The following NMUR2 variants were observed in gnomAD, a reference collection of about 807,000 sequenced individuals.
NMUR2 encodes neuromedin U receptor 2.
A neutral mutation model predicts 25.1 loss-of-function variants in NMUR2; 24 were observed. The observed-to-expected ratio is 0.96, with a 90% confidence interval of 0.69 to 1.34. The LOEUF is 1.34. Among genes scored for constraint, NMUR2 ranks in the 40% most tolerant of loss-of-function variants. The probability of loss-of-function intolerance (pLI) is 0.00; values close to 1 mark genes in which losing one functional copy is unlikely to be tolerated. For synonymous variants in NMUR2, 218 were observed against 208.1 expected, an observed-to-expected ratio of 1.05 and a Z score of -0.41; for missense variants, 533 against 512.8, an observed-to-expected ratio of 1.04 and a Z score of -0.38.
Position 152,392,140 on chromosome 5 carries a change from T to A in NMUR2, c.*51A>T. On this transcript the variant is annotated 3_prime_UTR_variant, in exon 4 of 4. Coordinates refer to ENST00000255262, the MANE Select transcript of NMUR2 (RefSeq NM_020167.5). ...ATATGAGAAGGCATACATTATGGGA[T>A]GTTCCTCTCTGAAGTTTTGAGGCAT... 1.4e-6 allele frequency: 2 copies of A among 1,435,582 alleles called. No individual in the cohort carries two copies. The highest frequency in any genetic ancestry group is 1.9e-6 in the Non-Finnish European group (2 of 1,038,318). The allele number at this position is 1,435,582 out of a possible 1,614,324, so 88.9% of individuals were successfully genotyped here.
intron 1 of NMUR2, among the ~76,000 whole-genome samples, chr5:152,400,810 G>A (rs114353127): frequency 0.012 from 1,847 of 152,206 alleles, 26 homozygotes; most frequent in African/African-American, 0.04. Context: ...GTGTTTAACA[G>A]TTCTCAATGG....
At chr5:152,396,576 G>A (rs1753154696) in intron 2 of NMUR2, among the ~76,000 whole-genome samples, 1 of 152,118 alleles carries the variant, frequency 6.6e-6, no homozygotes. Flanking sequence ...TCCCTAATCT[G>A]TTCACTACTG....
In NMUR2 at chr5:152,397,056, G is replaced by C. The variant is rs371457418; in HGVS notation, c.811+1004C>G. Among the ~76,000 whole-genome samples, 63 of 127,584 alleles carry C rather than the reference G, an allele frequency of 4.9e-4. 1 individual carries two copies. In the South Asian group the frequency reaches 0.017, roughly 33 times the overall value. The allele number at this position is 127,584 out of a possible 152,430, so 83.7% of individuals were successfully genotyped here. A position where few individuals can be genotyped will look rare whatever the true frequency, so the allele number is the denominator to read the frequency against. On this transcript the variant is annotated intron_variant, in intron 2 of 3. Transcript: ENST00000255262. ...TGTGAGAGTAGATTATGACCAAGGA[G>C]AAAAGGGGAGGGATAATGAAGAAAC... is the stretch of plus-strand genomic sequence containing the variant.
At chr5:152,400,546 C>T (rs897024905) in intron 1 of NMUR2, among the ~76,000 whole-genome samples, 3 of 152,134 alleles carry the variant, frequency 2.0e-5, no homozygotes, top group Admixed American at 6.5e-5. Context: ...TGTTACCACT[C>T]GCTCACAAAG....
rs1753340493 is a variant in NMUR2, at chr5:152,405,227, C to T, written c.-114G>A. The T allele has an allele frequency of 1.6e-6, 2 of 1,287,240 alleles. No individual in the cohort carries two copies. The highest frequency in any genetic ancestry group is 1.5e-5 in the South Asian group (1 of 66,450). 79.7% of individuals were successfully genotyped at this position (1,287,240 alleles called of 1,614,324 possible). A position where few individuals can be genotyped will look rare whatever the true frequency, so the allele number is the denominator to read the frequency against. On this transcript the variant is annotated 5_prime_UTR_variant, in exon 1 of 4. Transcript: ENST00000255262. ...AAAAAGAGAAAGCAGTCACGAAAGT[C>T]ACAGGCTTCGTAAGGAAGGCTGGGA...
intron 2 of NMUR2, among the ~76,000 whole-genome samples, chr5:152,396,226 T>C (rs1449523970): frequency 9.4e-6 from 1 of 105,886 alleles, no homozygotes; most frequent in Non-Finnish European, 2.3e-5. Flanking sequence ...ACACACACAC[T>C]TTTTTTTTTT....
chr5:152,397,016 T>G (rs1580887847), intron 2 of NMUR2, among the ~76,000 whole-genome samples: 1 of 145,278 alleles, frequency 6.9e-6, no homozygotes, highest in South Asian at 2.2e-4. Flanking sequence ...CTTCATGTTT[T>G]TTTTTTTTTT....
At chr5:152,399,311 C>G (rs1332351413) in intron 1 of NMUR2, among the ~76,000 whole-genome samples, 1 of 152,036 alleles carries the variant, frequency 6.6e-6, no homozygotes, top group African/African-American at 2.4e-5. Flanking sequence ...TACTCCTTCC[C>G]CATTCTTAGT....
At chr5:152,401,051 C>T (rs1379791946) in intron 1 of NMUR2, among the ~76,000 whole-genome samples, 1 of 152,060 alleles carries the variant, frequency 6.6e-6, no homozygotes, top group Admixed American at 6.5e-5. Flanking sequence ...TACATTGTTC[C>T]AACAGAATTT....
chr5:152,397,154 G>T (rs1287286130), intron 2 of NMUR2, among the ~76,000 whole-genome samples: 1 of 151,632 alleles, frequency 6.6e-6, no homozygotes, highest in African/African-American at 2.4e-5. Flanking sequence ...TCTTAGAATC[G>T]AGAAGACCCA....
At chr5:152,392,619 G>T (rs1403406570) in intron 3 of NMUR2, 118 bp from the exon 4 acceptor site, 2 of 731,592 alleles carry the variant, frequency 2.7e-6, no homozygotes, top group East Asian at 5.1e-5. Context: ...TTTTATAAGT[G>T]ATAATACATA....
chr5:152,402,034 T>C (rs565719430), intron 1 of NMUR2, among the ~76,000 whole-genome samples: 24 of 152,318 alleles, frequency 1.6e-4, no homozygotes, highest in Admixed American at 5.9e-4. Flanking sequence ...TAATTTGGCC[T>C]CATTCATTCA....
At position 152,392,151 on chromosome 5, in the gene NMUR2, G is replaced by T; in HGVS notation, c.*40C>A. The T allele has an allele frequency of 6.6e-7, 1 of 1,523,296 alleles. No homozygotes were observed. Among genetic ancestry groups the T allele is most frequent in the Non-Finnish European group, 9.0e-7 (1 of 1,114,750 alleles). The allele number at this position is 1,523,296 out of a possible 1,614,324, so 94.4% of individuals were successfully genotyped here. A position where few individuals can be genotyped will look rare whatever the true frequency, so the allele number is the denominator to read the frequency against. On this transcript the variant is annotated 3_prime_UTR_variant, in exon 4 of 4. Coordinates refer to ENST00000255262, the MANE Select transcript of NMUR2 (RefSeq NM_020167.5). ...CATACATTATGGGATGTTCCTCTCTGAAGTTTTGAGGCATAGAGGAGAGTC... is the reference window on the plus strand; with the variant it reads ...CATACATTATGGGATGTTCCTCTCTTAAGTTTTGAGGCATAGAGGAGAGTC...
rs368340480 is a variant in NMUR2 at position 152,402,532 on chromosome 5, C to T, written c.726+1856G>A. 2.3e-4 allele frequency among the ~76,000 whole-genome samples: 35 copies of T among 152,234 alleles called. No individual in the cohort carries two copies. The East Asian group carries it at 2.5e-3, about 11-fold the overall frequency. Reference sequence around the variant, plus strand: ...AAACTTTTGTCTGAGCTGTCACTTACCTCCTGATACAAGGTAGCCATGGAC... The same window carrying T: ...AAACTTTTGTCTGAGCTGTCACTTATCTCCTGATACAAGGTAGCCATGGAC... On this transcript the variant is annotated intron_variant, in intron 1 of 3. Coordinates refer to ENST00000255262, the MANE Select transcript of NMUR2 (RefSeq NM_020167.5).
At chr5:152,402,024 T>C (rs1753265367) in intron 1 of NMUR2, among the ~76,000 whole-genome samples, 1 of 152,104 alleles carries the variant, frequency 6.6e-6, no homozygotes, top group Admixed American at 6.5e-5. Context: ...ATGAAGGAAG[T>C]AATTTGGCCT....
At chr5:152,399,781 T>C (rs1043890479) in intron 1 of NMUR2, among the ~76,000 whole-genome samples, 19 of 152,266 alleles carry the variant, frequency 1.2e-4, no homozygotes, top group Admixed American at 8.5e-4. Context: ...GAGTCTCTCA[T>C]TGGCAGTGTA....
intron 3 of NMUR2, 53 bp downstream of exon 3, chr5:152,395,406 A>C (rs1188664293): frequency 6.2e-7 from 1 of 1,605,496 alleles, no homozygotes; most frequent in Non-Finnish European, 8.5e-7. Flanking sequence ...GATGAAGAAG[A>C]AGGTGCTGTT....
chr5:152,399,977 C>T (rs910731016), intron 1 of NMUR2, among the ~76,000 whole-genome samples: 20 of 152,148 alleles, frequency 1.3e-4, no homozygotes, highest in African/African-American at 4.8e-4. Flanking sequence ...AAGCAATAAT[C>T]GTCCTGGGCT....
intron 1 of NMUR2, among the ~76,000 whole-genome samples, chr5:152,402,202 G>C (rs370690181): frequency 6.6e-6 from 1 of 152,112 alleles, no homozygotes; most frequent in Non-Finnish European, 1.5e-5. Context: ...CTGAGGAAGC[G>C]TGTTGAAGTA....
Sources: allele counts gnomAD v4.1 joint callset (sites outside exome capture counted in the v4.1 genomes callset), GRCh38; gene constraint gnomAD v4.1.1; transcripts MANE v1.5; gene names NCBI Gene and HGNC (gene_info 2026-07-23, HGNC 2026-07-21).